The following SOAT2 variants were observed in gnomAD, a reference collection of about 807,000 sequenced individuals.
SOAT2 encodes sterol O-acyltransferase 2.
A neutral mutation model predicts 76.0 loss-of-function variants in SOAT2; 87 were observed. The observed-to-expected ratio is 1.14, with a 90% CI of 0.96 to 1.37. The LOEUF is 1.37. Among genes scored for constraint, SOAT2 ranks in the 40% most tolerant of loss-of-function variants. SOAT2 has a pLI of 0.00. For missense variants in SOAT2, 686 were observed against 682.1 expected, an observed-to-expected ratio of 1.01 and a Z score of -0.06; for synonymous variants, 285 against 275.4, an observed-to-expected ratio of 1.03 and a Z score of -0.34.
In SOAT2 at chr12:53,124,222, T is replaced by C; in HGVS notation, c.*99T>C. On this transcript the variant is annotated 3_prime_UTR_variant, in exon 15 of 15. Coordinates refer to ENST00000301466, the MANE Select transcript of SOAT2 (RefSeq NM_003578.4). ...CTGTCTGCATTCCCAAATTTGGCTCTGAGTCGAGGCAACCTGCACACAAGA... is the reference window on the plus strand; with the variant it reads ...CTGTCTGCATTCCCAAATTTGGCTCCGAGTCGAGGCAACCTGCACACAAGA... 7.8e-7 allele frequency: 1 copy of C among 1,283,012 alleles called. No individual in the cohort carries two copies. The highest frequency in any genetic ancestry group is 1.1e-6 in the Non-Finnish European group (1 of 883,760). The allele number at this position is 1,283,012 out of a possible 1,614,324, so 79.5% of individuals were successfully genotyped here.
rs80151293 is a variant in SOAT2, at chr12:53,123,570, G to A, written c.1373-158G>A. ...AACTGAAGAATCCTGGTTTTACATG[G>A]GCCACTTTAGACCTCTACGAATTTC... On this transcript the variant is annotated intron_variant, in intron 13 of 14. Coordinates refer to ENST00000301466, the MANE Select transcript of SOAT2 (RefSeq NM_003578.4). 9.3e-3 allele frequency among the ~76,000 whole-genome samples: 1,411 copies of A among 152,192 alleles called. 8 individuals carry two copies. Among genetic ancestry groups the A allele is most frequent in the Non-Finnish European group, 0.015 (1,028 of 67,992 alleles).
chr12:53,119,251 CA>C lies in SOAT2; in HGVS notation c.1038del (p.Gly347AlafsTer75), dbSNP rs779067662. 6.8e-6 allele frequency: 11 copies of C among 1,613,938 alleles called. No individual in the cohort carries two copies. In the South Asian group the frequency reaches 1.2e-4, roughly 18 times the overall value. ...CTCTCTATCCTGCATGCCACGTTGC[CA>C]GGTGAGCCAACTAAGGTAGGGCTAG... Reference protein sequence around the residue: ...LVLSILHATLPGIFMLLLIFF... With the variant: ...LVLSILHATLXGIFMLLLIFF... On this transcript the variant is annotated frameshift_variant and splice_region_variant, in exon 10 of 15. Transcript: ENST00000301466. LOFTEE classifies it high-confidence loss of function.
intron 2 of SOAT2, 67 bp from the exon 3 acceptor site, chr12:53,105,040 A>AT: frequency 2.7e-6 from 4 of 1,504,868 alleles, no homozygotes; most frequent in Non-Finnish European, 3.6e-6. Context: ...AATTCAGTGA[A>AT]TGTCTGGTGA....
chr12:53,113,338 T>G (rs929185723), intron 5 of SOAT2, among the ~76,000 whole-genome samples: 6 of 152,220 alleles, frequency 3.9e-5, no homozygotes, highest in Non-Finnish European at 8.8e-5. Flanking sequence ...AACTCACCCT[T>G]TGAGCGTGTC....
chr12:53,116,205 C>T, intron 7 of SOAT2, 39 bp downstream of exon 7: 1 of 1,558,160 alleles, frequency 6.4e-7, no homozygotes, highest in South Asian at 1.1e-5. Flanking sequence ...ACTCAGTCCT[C>T]TTGGCTGACT....
Position 53,118,377 on chromosome 12 carries a change from C to T in SOAT2, c.806C>T (p.Ser269Phe), listed in dbSNP as rs753567223. The T allele has an allele frequency of 1.2e-6, 2 of 1,613,794 alleles. No individual in the cohort carries two copies. The highest frequency in any genetic ancestry group is 1.7e-6 in the Non-Finnish European group (2 of 1,179,860). Reference sequence around the variant, plus strand: ...GAGGGGATCCAGGCCCCCAGTTTCTCCAGCTACCTCTACTTCCTCTTCTGC... The same window carrying T: ...GAGGGGATCCAGGCCCCCAGTTTCTTCAGCTACCTCTACTTCCTCTTCTGC... ...RGEGIQAPSF[S>F]SYLYFLFCPT... Residue 269 changes from serine to phenylalanine, a missense_variant, in exon 8 of 15, where the codon TCC becomes TTC. Transcript: ENST00000301466.
At chr12:53,105,855 A>AGGATCGCTAGGC in intron 4 of SOAT2, 52 bp from the exon 5 acceptor site, 1 of 1,080,272 alleles carries the variant, frequency 9.3e-7, no homozygotes, top group Non-Finnish European at 1.2e-6. Context: ...GAGCTAGTTC[A>AGGATCGCTAGGC]CACAACCCTG....
intron 5 of SOAT2, among the ~76,000 whole-genome samples, chr12:53,113,096 C>T (rs1938048816): frequency 6.6e-6 from 1 of 152,094 alleles, no homozygotes; most frequent in African/African-American, 2.4e-5. Flanking sequence ...TTCAAGTTTA[C>T]ATGCTATCAA....
Position 53,105,458 on chromosome 12 carries a change from C to T in SOAT2, c.276-103C>T, listed in dbSNP as rs992701947. 7 of 1,319,762 alleles carry T rather than the reference C, an allele frequency of 5.3e-6. No homozygotes were observed. In the African/African-American group the frequency reaches 8.7e-5, roughly 16 times the overall value. The allele number at this position is 1,319,762 out of a possible 1,614,324, so 81.8% of individuals were successfully genotyped here. A position where few individuals can be genotyped will look rare whatever the true frequency, so the allele number is the denominator to read the frequency against. ...CCTGCCCTCTGGCCCTAGCCCTGACCTTTCCCTACCACTCCCCTTGGCTCC... is the reference window on the plus strand; with the variant it reads ...CCTGCCCTCTGGCCCTAGCCCTGACTTTTCCCTACCACTCCCCTTGGCTCC... On this transcript the variant is annotated intron_variant, in intron 3 of 14. Transcript: ENST00000301466.
intron 13 of SOAT2, among the ~76,000 whole-genome samples, 153 bp from the exon 14 acceptor site, chr12:53,123,575 C>G (rs1938227959): frequency 6.6e-6 from 1 of 152,184 alleles, no homozygotes; most frequent in South Asian, 2.1e-4. Flanking sequence ...ACATGGGCCA[C>G]TTTAGACCTC....
At chr12:53,123,665 G>A (rs1292074185) in intron 13 of SOAT2, 63 bp from the exon 14 acceptor site, 2 of 1,590,520 alleles carry the variant, frequency 1.3e-6, no homozygotes, top group African/African-American at 1.3e-5. Flanking sequence ...CCTGGAATGG[G>A]AGGGAAGCCA....
At chr12:53,108,173 G>A (rs1238314199) in intron 5 of SOAT2, among the ~76,000 whole-genome samples, 1 of 152,158 alleles carries the variant, frequency 6.6e-6, no homozygotes, top group African/African-American at 2.4e-5. Context: ...TATGAGTTGG[G>A]TGAATTCCTC....
At chr12:53,104,453 T>C (rs563931318) in intron 2 of SOAT2, among the ~76,000 whole-genome samples, 1 of 152,106 alleles carries the variant, frequency 6.6e-6, no homozygotes, top group Admixed American at 6.5e-5. Flanking sequence ...TTTATATTTT[T>C]AGTAGAGACG....
At chr12:53,118,296 A>ACCTCTGC in intron 7 of SOAT2, 54 bp from the exon 8 acceptor site, 3 of 791,532 alleles carry the variant, frequency 3.8e-6, no homozygotes, top group Non-Finnish European at 3.7e-6. Flanking sequence ...CAGCCCCCTC[A>ACCTCTGC]CCTCTGCCCT....
chr12:53,110,362 G>T (rs1937994310), intron 5 of SOAT2, among the ~76,000 whole-genome samples: 1 of 152,174 alleles, frequency 6.6e-6, no homozygotes, highest in Non-Finnish European at 1.5e-5. Flanking sequence ...ATGTGTCCTA[G>T]GACTTACCTA....
intron 10 of SOAT2, among the ~76,000 whole-genome samples, chr12:53,120,089 A>G (rs1938167248): frequency 6.6e-6 from 1 of 152,132 alleles, no homozygotes; most frequent in South Asian, 2.1e-4. Flanking sequence ...TAATCACAAC[A>G]CTTTGGGAGG....
chr12:53,113,110 G>A (rs566049100), intron 5 of SOAT2, among the ~76,000 whole-genome samples: 6 of 152,174 alleles, frequency 3.9e-5, no homozygotes, highest in African/African-American at 1.4e-4. Context: ...CTATCAAAGG[G>A]AATAAGACAG....
chr12:53,109,407 T>G (rs1196371940), intron 5 of SOAT2, among the ~76,000 whole-genome samples: 1 of 152,162 alleles, frequency 6.6e-6, no homozygotes, highest in African/African-American at 2.4e-5. Flanking sequence ...TCCTGTATGA[T>G]TTTTGGTACC....
intron 1 of SOAT2, 43 bp from the exon 2 acceptor site, chr12:53,104,108 C>A: frequency 1.3e-6 from 2 of 1,577,340 alleles, no homozygotes; most frequent in Non-Finnish European, 1.7e-6. Context: ...TCTGCAGAAC[C>A]CCAATTCCTC....
Sources: gnomAD v4.1 joint callset for allele counts (sites outside exome capture counted in the v4.1 genomes callset) on GRCh38, gnomAD v4.1.1 for gene constraint, MANE v1.5 for transcripts, NCBI Gene and HGNC (gene_info 2026-07-23, HGNC 2026-07-21) for gene names.